Variants in TEAD1 observed in about 807,000 individuals in gnomAD.
TEAD1 encodes the protein transcriptional enhancer factor TEF-1.
A neutral mutation model predicts 54.9 loss-of-function variants in TEAD1; 9 were observed. The observed-to-expected ratio is 0.16, with a 90% CI of 0.10 to 0.29. The LOEUF is 0.29. Among genes scored for constraint, TEAD1 ranks in the 10% least tolerant of loss-of-function variants. TEAD1 has a pLI of 1.00. For missense variants in TEAD1, 387 were observed against 535.9 expected, an observed-to-expected ratio of 0.72 and a Z score of 2.74; for synonymous variants, 200 against 187.8, an observed-to-expected ratio of 1.07 and a Z score of -0.53.
At position 12,728,359 on chromosome 11, in the gene TEAD1, A is replaced by G. The variant is rs150575791; in HGVS notation, c.-54-35820A>G. ...CATTCGATATTAATGTTGCACCTGT[A>G]TATTAGTTACACTTTTCATTGCTGG... On this transcript the variant is annotated intron_variant, in intron 2 of 12. Transcript: ENST00000527636. Among the ~76,000 whole-genome samples, 148 of 152,254 alleles carry G rather than the reference A, an allele frequency of 9.7e-4. 2 individuals carry two copies. Among genetic ancestry groups the G allele is most frequent in the African/African-American group, 3.4e-3 (141 of 41,544 alleles).
intron 3 of TEAD1, among the ~76,000 whole-genome samples, chr11:12,794,690 C>G (rs1945877192): frequency 6.6e-6 from 1 of 152,162 alleles, no homozygotes; most frequent in Non-Finnish European, 1.5e-5. Flanking sequence ...GTAACTGTTC[C>G]CACTCATAAT....
intron 2 of TEAD1, among the ~76,000 whole-genome samples, chr11:12,709,261 C>A (rs1379094013): frequency 6.6e-6 from 1 of 151,880 alleles, no homozygotes; most frequent in Non-Finnish European, 1.5e-5. Flanking sequence ...TTGCTTGAAC[C>A]CAGGAGGTGG....
At chr11:12,897,754 C>T (rs1219131589) in intron 9 of TEAD1, among the ~76,000 whole-genome samples, 1 of 152,224 alleles carries the variant, frequency 6.6e-6, no homozygotes, top group South Asian at 2.1e-4. Context: ...TCATGTTTGT[C>T]ACTAATTCTA....
intron 9 of TEAD1, among the ~76,000 whole-genome samples, chr11:12,885,144 A>G (rs1948060602): frequency 6.6e-6 from 1 of 152,222 alleles, no homozygotes; most frequent in South Asian, 2.1e-4. Flanking sequence ...ATTAAACAGA[A>G]GGAAACAGGA....
At position 12,899,875 on chromosome 11, in the gene TEAD1, C is replaced by T. The variant is rs891360418; in HGVS notation, c.700-2065C>T. 7.9e-5 allele frequency among the ~76,000 whole-genome samples: 12 copies of T among 152,194 alleles called. No individual in the cohort carries two copies. The East Asian group carries it at 2.1e-3, about 27-fold the overall frequency. On this transcript the variant is annotated intron_variant, in intron 9 of 12. Transcript: ENST00000527636. ...GATACTGGCCTCAGTTGCACTGCCC[C>T]TTATATGCAACACTGGCATCAGATG...
chr11:12,710,439 G>A (rs1392983545), intron 2 of TEAD1, among the ~76,000 whole-genome samples: 1 of 152,136 alleles, frequency 6.6e-6, no homozygotes, highest in Non-Finnish European at 1.5e-5. Context: ...TGTGGCTCCT[G>A]TTATTCAGAG....
chr11:12,782,103 T>A (rs925621831), intron 3 of TEAD1, among the ~76,000 whole-genome samples: 1 of 151,608 alleles, frequency 6.6e-6, no homozygotes. Flanking sequence ...TGAGCAGAGA[T>A]CTCCCCACGG....
intron 3 of TEAD1, among the ~76,000 whole-genome samples, chr11:12,775,762 T>C (rs955927805): frequency 6.6e-6 from 1 of 152,176 alleles, no homozygotes; most frequent in African/African-American, 2.4e-5. Flanking sequence ...GGAGACTCGG[T>C]TTCTATTATG....
At chr11:12,715,622 A>G (rs1315979926) in intron 2 of TEAD1, among the ~76,000 whole-genome samples, 1 of 152,010 alleles carries the variant, frequency 6.6e-6, no homozygotes, top group Non-Finnish European at 1.5e-5. Flanking sequence ...ATGGAGACCT[A>G]CCTTGCAGGG....
chr11:12,850,104 G>T (rs188409897), intron 3 of TEAD1, among the ~76,000 whole-genome samples: 1 of 152,228 alleles, frequency 6.6e-6, no homozygotes, highest in East Asian at 1.9e-4. Flanking sequence ...TTCAAGCAAC[G>T]AAGACATATA....
At chr11:12,723,724 G>A (rs7124484) in intron 2 of TEAD1, among the ~76,000 whole-genome samples, 52,760 of 151,974 alleles carry the variant, frequency 0.35, 9,729 homozygotes, top group South Asian at 0.6. Context: ...CTTATAAAAT[G>A]TAGGTTGCCT....
intron 2 of TEAD1, among the ~76,000 whole-genome samples, chr11:12,724,093 C>T (rs1444413784): frequency 1.3e-5 from 2 of 152,146 alleles, no homozygotes; most frequent in Non-Finnish European, 1.5e-5. Flanking sequence ...TTCTTATTCC[C>T]CAGGCTCCTT....
intron 2 of TEAD1, among the ~76,000 whole-genome samples, chr11:12,753,478 T>A (rs1293596806): frequency 6.6e-6 from 1 of 152,244 alleles, no homozygotes; most frequent in Non-Finnish European, 1.5e-5. Context: ...GATAGAGGTA[T>A]CACATTGTTT....
chr11:12,824,651 C>T (rs1946614642), intron 3 of TEAD1, among the ~76,000 whole-genome samples: 1 of 152,208 alleles, frequency 6.6e-6, no homozygotes, highest in Non-Finnish European at 1.5e-5. Flanking sequence ...GTCTTCCAGG[C>T]CATTACCAGT....
chr11:12,701,619 T>A (rs1021811385), intron 2 of TEAD1, among the ~76,000 whole-genome samples: 71 of 152,142 alleles, frequency 4.7e-4, no homozygotes, highest in African/African-American at 1.7e-3. Context: ...GTTCATTGTT[T>A]GCGAGTGTCT....
chr11:12,687,062 G>A (rs569351957), intron 2 of TEAD1, among the ~76,000 whole-genome samples: 8 of 152,194 alleles, frequency 5.3e-5, no homozygotes, highest in Admixed American at 1.3e-4. Flanking sequence ...CTTCTAGCTC[G>A]TGTGGAAGGA....
chr11:12,818,700 C>T (rs1210488475), intron 3 of TEAD1, among the ~76,000 whole-genome samples: 1 of 152,174 alleles, frequency 6.6e-6, no homozygotes, highest in African/African-American at 2.4e-5. Context: ...GCTTAGAGGG[C>T]AACAGGGAGA....
At chr11:12,693,968 G>C (rs1564909173) in intron 2 of TEAD1, among the ~76,000 whole-genome samples, 1 of 152,216 alleles carries the variant, frequency 6.6e-6, no homozygotes, top group African/African-American at 2.4e-5. Flanking sequence ...GTAGGAAGAT[G>C]TATGTCTGAG....
chr11:12,686,135 C>A (rs1943328717), intron 2 of TEAD1, among the ~76,000 whole-genome samples: 1 of 152,128 alleles, frequency 6.6e-6, no homozygotes, highest in East Asian at 1.9e-4. Context: ...TTGGCATAAT[C>A]CTTAAAGAAC....
Sources: allele counts gnomAD v4.1 joint callset (sites outside exome capture counted in the v4.1 genomes callset), GRCh38; gene constraint gnomAD v4.1.1; transcripts MANE v1.5; gene names NCBI Gene and HGNC (gene_info 2026-07-23, HGNC 2026-07-21).